NRXN1: variants seen among roughly 807,000 people sequenced by gnomAD.
NRXN1 encodes neurexin-1.
Under a neutral mutation model 150.9 loss-of-function variants are expected in NRXN1, and 39 were observed. The ratio of observed to expected loss-of-function variants is 0.26; its 90% confidence interval spans 0.20 to 0.34. The LOEUF is 0.34. Ranked by LOEUF, NRXN1 falls within the 10% of genes least tolerant of loss-of-function variation. The pLI is 1.00. For synonymous variants in NRXN1, 924 were observed against 757.0 expected (o/e 1.22, Z -3.62); for missense variants, 1,815 against 1,949.9 (o/e 0.93, Z 1.30).
chr2:50,714,422 G>T (rs753836545), intron 5 of NRXN1, among the ~76,000 whole-genome samples: 12 of 151,958 alleles, frequency 7.9e-5, no homozygotes, highest in Non-Finnish European at 1.6e-4. Context: ...TAAAAGCTAG[G>T]TTGGTGCATG....
At chr2:49,983,123 T>C (rs1488113875) in intron 21 of NRXN1, among the ~76,000 whole-genome samples, 3 of 152,192 alleles carry the variant, frequency 2.0e-5, no homozygotes, top group African/African-American at 4.8e-5. Flanking sequence ...ATTATTTCCA[T>C]TGTGTTTCCA....
chr2:50,604,342 G>C (rs537255582), intron 8 of NRXN1, among the ~76,000 whole-genome samples: 1 of 152,126 alleles, frequency 6.6e-6, no homozygotes, highest in African/African-American at 2.4e-5. Flanking sequence ...AGTTTAATAA[G>C]CTCTCAGATG....
At chr2:50,855,709 A>G (rs901418892) in intron 5 of NRXN1, among the ~76,000 whole-genome samples, 3 of 152,044 alleles carry the variant, frequency 2.0e-5, no homozygotes, top group African/African-American at 7.2e-5. Context: ...ACAAATATCC[A>G]AAATAATTTT....
chr2:50,697,628 C>A (rs1389300819), intron 5 of NRXN1, among the ~76,000 whole-genome samples: 2 of 152,030 alleles, frequency 1.3e-5, no homozygotes, highest in African/African-American at 4.8e-5. Flanking sequence ...CTTCTGTAGC[C>A]CATGCTTCAC....
chr2:50,627,330 G>T (rs879186698), intron 5 of NRXN1, among the ~76,000 whole-genome samples: 2 of 149,454 alleles, frequency 1.3e-5, no homozygotes, highest in Non-Finnish European at 3.0e-5. Context: ...TTTGATGATA[G>T]GTAGTCAAGT....
intron 17 of NRXN1, among the ~76,000 whole-genome samples, chr2:50,452,000 G>T (rs1294438402): frequency 1.3e-5 from 2 of 152,128 alleles, no homozygotes; most frequent in African/African-American, 4.8e-5. Flanking sequence ...CCAGCATTTA[G>T]CTAAGCAAGT....
chr2:50,181,814 C>A (rs1266377806), intron 18 of NRXN1, among the ~76,000 whole-genome samples: 1 of 152,014 alleles, frequency 6.6e-6, no homozygotes, highest in Admixed American at 6.6e-5. Flanking sequence ...GAGCGCACCA[C>A]AAAATTGATA....
At chr2:50,373,665 A>AAGAAAAGAAAGAAG (rs1316354559) in intron 17 of NRXN1, among the ~76,000 whole-genome samples, 5 of 106,566 alleles carry the variant, frequency 4.7e-5, no homozygotes, top group African/African-American at 1.6e-4. Flanking sequence ...AAAGAAAGAA[A>AAGAAAAGAAAGAAG]GAAAGAAAGA....
At chr2:50,663,519 T>C (rs1333565315) in intron 5 of NRXN1, among the ~76,000 whole-genome samples, 3 of 151,992 alleles carry the variant, frequency 2.0e-5, no homozygotes, top group African/African-American at 7.2e-5. Flanking sequence ...AGTTATCTCT[T>C]TAGATAAATA....
intron 19 of NRXN1, among the ~76,000 whole-genome samples, chr2:50,057,913 A>G (rs1205858699): frequency 6.6e-6 from 1 of 152,196 alleles, no homozygotes; most frequent in Non-Finnish European, 1.5e-5. Flanking sequence ...TATTTGTTTA[A>G]TAATAAATTC....
chr2:50,899,191 A>T (rs555798424), intron 5 of NRXN1, among the ~76,000 whole-genome samples: 1 of 152,308 alleles, frequency 6.6e-6, no homozygotes, highest in African/African-American at 2.4e-5. Context: ...CCAAGCTCAC[A>T]AAATTTAACC....
intron 21 of NRXN1, among the ~76,000 whole-genome samples, chr2:49,978,651 C>G (rs970561716): frequency 7.0e-6 from 1 of 143,006 alleles, no homozygotes; most frequent in African/African-American, 2.6e-5. Flanking sequence ...CACAGAAAAA[C>G]AGCTGGGGGA....
intron 2 of NRXN1, among the ~76,000 whole-genome samples, chr2:50,961,282 C>G (rs1693148810): frequency 6.6e-6 from 1 of 151,756 alleles, no homozygotes; most frequent in African/African-American, 2.4e-5. Context: ...GATTATTTTT[C>G]ATTAGGTATG....
chr2:50,022,466 C>T (rs914517627), intron 21 of NRXN1, among the ~76,000 whole-genome samples: 1 of 152,088 alleles, frequency 6.6e-6, no homozygotes, highest in East Asian at 1.9e-4. Context: ...CTCTGTAAAT[C>T]AAGAATCTTT....
In NRXN1 at chr2:50,823,667, G is replaced by A. The variant is rs532810482; in HGVS notation, c.832+98202C>T. Reference sequence around the variant, plus strand: ...TTAAGTACGCCAAATTGTTTTCTATGCTTCTAGAAGACAAATAATGATTTA... The same window carrying A: ...TTAAGTACGCCAAATTGTTTTCTATACTTCTAGAAGACAAATAATGATTTA... On this transcript the variant is annotated intron_variant, in intron 5 of 22. Coordinates refer to ENST00000401669, the MANE Select transcript of NRXN1 (RefSeq NM_001330078.2). 2.0e-5 allele frequency among the ~76,000 whole-genome samples: 3 copies of A among 152,162 alleles called. No individual in the cohort carries two copies. In the South Asian group the frequency reaches 6.2e-4, roughly 32 times the overall value.
chr2:50,175,025 A>G (rs2060265455), intron 18 of NRXN1: 1 of 152,202 alleles, frequency 6.6e-6, no homozygotes. Context: ...CCTTCAAATT[A>G]TATTTCATGA....
intron 17 of NRXN1, among the ~76,000 whole-genome samples, chr2:50,287,525 C>A (rs1037879428): frequency 6.6e-6 from 1 of 151,948 alleles, no homozygotes; most frequent in Non-Finnish European, 1.5e-5. Flanking sequence ...TGAATATTAG[C>A]AAGTCTTATT....
intron 21 of NRXN1, among the ~76,000 whole-genome samples, chr2:49,997,396 A>G (rs1683174490): frequency 6.6e-6 from 1 of 152,192 alleles, no homozygotes; most frequent in Admixed American, 6.5e-5. Context: ...TAGCTAAAAT[A>G]TTATCATTTT....
At chr2:51,027,174 G>A (rs988001107) in intron 2 of NRXN1, among the ~76,000 whole-genome samples, 1 of 152,118 alleles carries the variant, frequency 6.6e-6, no homozygotes, top group African/African-American at 2.4e-5. Context: ...TAGGTGGGCC[G>A]CGGCCCAATA....
Sources: gnomAD v4.1 joint callset for allele counts (sites outside exome capture counted in the v4.1 genomes callset) on GRCh38, gnomAD v4.1.1 for gene constraint, MANE v1.5 for transcripts, NCBI Gene and HGNC (gene_info 2026-07-23, HGNC 2026-07-21) for gene names.